The following DENND4C variants were observed in gnomAD, a reference collection of about 807,000 sequenced individuals.
DENND4C encodes the protein DENN domain-containing protein 4C.
DENND4C carries 108 observed loss-of-function variants against 203.0 expected under a neutral mutation model. The ratio of observed to expected loss-of-function variants is 0.53; its 90% CI spans 0.46 to 0.62. The LOEUF is 0.62. DENND4C is among the 20% of genes least tolerant of loss of function. The pLI, the probability that DENND4C is intolerant of heterozygous loss-of-function variation, is 0.00. For missense variants in DENND4C, 2,481 were observed against 2,301.2 expected (o/e 1.08, Z -1.60); for synonymous variants, 871 against 792.4 (o/e 1.10, Z -1.67).
intron 10 of DENND4C, among the ~76,000 whole-genome samples, chr9:19,307,352 C>T (rs545340016): frequency 3.4e-4 from 50 of 149,008 alleles, no homozygotes; most frequent in African/African-American, 1.2e-3. Context: ...CCATGTTGAC[C>T]CACTGCACTG....
rs1839496246 is a variant in DENND4C, at chr9:19,305,614, A to G, written c.1487+87A>G. 8 of 1,333,920 alleles carry G rather than the reference A, an allele frequency of 6.0e-6. No individual in the cohort carries two copies. The Admixed American group carries it at 8.3e-5, about 14-fold the overall frequency. The allele number at this position is 1,333,920 out of a possible 1,614,324, so 82.6% of individuals were successfully genotyped here. A position where few individuals can be genotyped will look rare whatever the true frequency, so the allele number is the denominator to read the frequency against. ...CTTTGAAAGCATCTAGAAATATGCT[A>G]TTTTTGGTAGTTGTTAAATCTTCGT... On this transcript the variant is annotated intron_variant, in intron 10 of 32. Coordinates refer to ENST00000434457, the MANE Select transcript of DENND4C (RefSeq NM_001330640.2).
At chr9:19,327,766 C>T (rs1016323270) in intron 15 of DENND4C, among the ~76,000 whole-genome samples, 1 of 151,812 alleles carries the variant, frequency 6.6e-6, no homozygotes, top group African/African-American at 2.4e-5. Context: ...AGTTATTTCT[C>T]CCTTTAAGTA....
chr9:19,362,439 GAAAC>G (rs1428201301), intron 30 of DENND4C, among the ~76,000 whole-genome samples: 1 of 151,982 alleles, frequency 6.6e-6, no homozygotes, highest in East Asian at 1.9e-4. Flanking sequence ...AGAAAAAAAA[GAAAC>G]AGAATTAAAC....
At chr9:19,242,731 C>T (rs1824086066) in intron 1 of DENND4C, among the ~76,000 whole-genome samples, 1 of 151,928 alleles carries the variant, frequency 6.6e-6, no homozygotes, top group Non-Finnish European at 1.5e-5. Flanking sequence ...TCTCGGCTCA[C>T]TGCAACCTCT....
At chr9:19,313,923 G>A (rs1222681315) in intron 10 of DENND4C, among the ~76,000 whole-genome samples, 3 of 152,278 alleles carry the variant, frequency 2.0e-5, no homozygotes, top group African/African-American at 7.2e-5. Context: ...GCATAAGAAT[G>A]ATGCAGTGAT....
At chr9:19,315,035 C>G (rs1023416729) in intron 10 of DENND4C, among the ~76,000 whole-genome samples, 2 of 151,704 alleles carry the variant, frequency 1.3e-5, no homozygotes, top group African/African-American at 4.8e-5. Context: ...TGGCGCGCCC[C>G]TGTAATCCCA....
At chr9:19,314,743 C>A (rs1841450657) in intron 10 of DENND4C, among the ~76,000 whole-genome samples, 1 of 151,998 alleles carries the variant, frequency 6.6e-6, no homozygotes, top group South Asian at 2.1e-4. Flanking sequence ...AAGGTACAAC[C>A]AGTGTTCCAG....
At chr9:19,257,069 CAAA>C (rs1210659006) in intron 1 of DENND4C, among the ~76,000 whole-genome samples, 1 of 103,968 alleles carries the variant, frequency 9.6e-6, no homozygotes. Flanking sequence ...GACTCCGTCT[CAAA>C]AAAAAAAAAG....
chr9:19,302,588 A>T (rs113794938), intron 9 of DENND4C, among the ~76,000 whole-genome samples: 1 of 151,428 alleles, frequency 6.6e-6, no homozygotes, highest in African/African-American at 2.4e-5. Context: ...TCCTTGCAGG[A>T]TCCTTTGTGA....
intron 1 of DENND4C, among the ~76,000 whole-genome samples, chr9:19,234,315 G>C (rs7864873): frequency 0.82 from 125,124 of 151,744 alleles, 51,998 homozygotes; most frequent in Admixed American, 0.88. Context: ...ACTGCAACCT[G>C]TGCCTCCCAG....
chr9:19,320,703 T>TA (rs1489982795), intron 12 of DENND4C, among the ~76,000 whole-genome samples: 1 of 152,188 alleles, frequency 6.6e-6, no homozygotes, highest in African/African-American at 2.4e-5. Context: ...TGCATCATCT[T>TA]ATGAGGCACA....
At chr9:19,329,725 T>G (rs1311360902) in intron 16 of DENND4C, among the ~76,000 whole-genome samples, 2 of 152,188 alleles carry the variant, frequency 1.3e-5, no homozygotes, top group African/African-American at 2.4e-5. Flanking sequence ...ATTGTTTGTC[T>G]TTTTGGTTAT....
chr9:19,335,293 T>A (rs917988015), intron 18 of DENND4C, among the ~76,000 whole-genome samples, 188 bp downstream of exon 18: 1 of 152,144 alleles, frequency 6.6e-6, no homozygotes, highest in Non-Finnish European at 1.5e-5. Flanking sequence ...TTTTGAGATA[T>A]GTATATTGTG....
chr9:19,345,024 T>C (rs1305673348), intron 22 of DENND4C, among the ~76,000 whole-genome samples: 1 of 152,120 alleles, frequency 6.6e-6, no homozygotes, highest in Non-Finnish European at 1.5e-5. Context: ...ATGATCAAAT[T>C]ATCTTTCAAA....
At chr9:19,310,989 A>T (rs956185304) in intron 10 of DENND4C, among the ~76,000 whole-genome samples, 77 of 152,312 alleles carry the variant, frequency 5.1e-4, no homozygotes, top group African/African-American at 1.7e-3. Flanking sequence ...GGCCTGATGT[A>T]TGGCTTTTTA....
At chr9:19,258,941 C>T (rs959149405) in intron 1 of DENND4C, among the ~76,000 whole-genome samples, 15 of 152,158 alleles carry the variant, frequency 9.9e-5, no homozygotes, top group African/African-American at 3.1e-4. Context: ...AGGTGTGAGC[C>T]ACCCTGCCTG....
At chr9:19,264,219 G>T (rs1830017800) in intron 1 of DENND4C, among the ~76,000 whole-genome samples, 1 of 151,694 alleles carries the variant, frequency 6.6e-6, no homozygotes. Flanking sequence ...GTATGGTTCG[G>T]TTTTGGTAGG....
chr9:19,352,375 T>C (rs563232706), intron 25 of DENND4C, 115 bp from the exon 26 acceptor site: 4 of 1,156,338 alleles, frequency 3.5e-6, no homozygotes, highest in African/African-American at 3.1e-5. Flanking sequence ...AGAACTGTTA[T>C]TAATAATTCC....
intron 29 of DENND4C, 124 bp downstream of exon 29, chr9:19,360,613 T>C: frequency 2.3e-6 from 3 of 1,319,348 alleles, no homozygotes; most frequent in Non-Finnish European, 3.2e-6. Context: ...ACTTAAAAGT[T>C]TGGATAAGCA....
Sources: allele counts gnomAD v4.1 joint callset (sites outside exome capture counted in the v4.1 genomes callset), GRCh38; gene constraint gnomAD v4.1.1; transcripts MANE v1.5; gene names NCBI Gene and HGNC (gene_info 2026-07-23, HGNC 2026-07-21).